Variants in DPYSL5 observed in about 807,000 individuals in gnomAD.
The protein encoded by DPYSL5 is dihydropyrimidinase like 5.
DPYSL5 carries 9 observed loss-of-function variants against 58.4 expected under a neutral mutation model. That is an observed-to-expected ratio of 0.15 (90% CI 0.09 to 0.27). The LOEUF is 0.27. Ranked by LOEUF, DPYSL5 falls within the 10% of genes least tolerant of loss-of-function variation. The probability of loss-of-function intolerance (pLI) is 1.00; values close to 1 mark genes in which losing one functional copy is unlikely to be tolerated. For synonymous variants in DPYSL5, 293 were observed against 301.9 expected (o/e 0.97, Z 0.31); for missense variants, 499 against 770.6 (o/e 0.65, Z 4.17).
At chr2:26,921,732 C>T (rs1186650172) in intron 2 of DPYSL5, among the ~76,000 whole-genome samples, 1 of 152,118 alleles carries the variant, frequency 6.6e-6, no homozygotes, top group Non-Finnish European at 1.5e-5. Context: ...TCCAGTGAAA[C>T]TCTTGTTTCG....
chr2:26,945,711 AG>A (rs1318239247), intron 12 of DPYSL5, among the ~76,000 whole-genome samples: 2 of 152,232 alleles, frequency 1.3e-5, no homozygotes, highest in Non-Finnish European at 2.9e-5. Flanking sequence ...AGAGAGACCA[AG>A]CACCCACTCA....
chr2:26,895,775 CTTTTTTTTT>C (rs869030530), intron 1 of DPYSL5, among the ~76,000 whole-genome samples: 33 of 101,104 alleles, frequency 3.3e-4, no homozygotes, highest in Non-Finnish European at 5.9e-4. Context: ...ATTTCTTTTT[CTTTTTTTTT>C]TTTTTTTTTT....
At chr2:26,850,817 G>A (rs1665732158) in intron 1 of DPYSL5, among the ~76,000 whole-genome samples, 1 of 152,326 alleles carries the variant, frequency 6.6e-6, no homozygotes, top group Admixed American at 6.5e-5. Flanking sequence ...GGAGTCAGCA[G>A]TAGGCTATGT....
At chr2:26,885,297 T>G (rs1663689345) in intron 1 of DPYSL5, among the ~76,000 whole-genome samples, 1 of 152,116 alleles carries the variant, frequency 6.6e-6, no homozygotes, top group African/African-American at 2.4e-5. Flanking sequence ...GGTATTTCCC[T>G]CCCCGTACCC....
chr2:26,941,565 C>T (rs542657687), intron 9 of DPYSL5, among the ~76,000 whole-genome samples: 1 of 152,246 alleles, frequency 6.6e-6, no homozygotes, highest in South Asian at 2.1e-4. Context: ...ATGGGTGGGG[C>T]AATAAGATGT....
Position 26,934,600 on chromosome 2 carries a change from C to T in DPYSL5, c.813C>T (p.Thr271=), listed in dbSNP as rs776595854. The change falls in exon 8 of 13, where the codon ACC becomes ACT. Residue 271 remains threonine (T), a synonymous_variant. Transcript: ENST00000288699. This position sits in a 1 kb window ranked among gnomAD's most constrained non-coding sequence, Gnocchi z 4.3. ...CAGGGAAGGTTGTGCTGGCGGAGACCACCACTGCACATGCCACGCTGACAG... is the reference window on the plus strand; with the variant it reads ...CAGGGAAGGTTGTGCTGGCGGAGACTACCACTGCACATGCCACGCTGACAG... The part of the protein sequence containing the change: ...KMQGKVVLAE[T]TTAHATLTGL... 1.2e-6 allele frequency: 2 copies of T among 1,612,998 alleles called. No homozygotes were observed. Among genetic ancestry groups the T allele is most frequent in the East Asian group, 2.2e-5 (1 of 44,878 alleles).
intron 1 of DPYSL5, among the ~76,000 whole-genome samples, chr2:26,881,074 C>T (rs1302809872): frequency 1.3e-5 from 2 of 152,152 alleles, no homozygotes; most frequent in Non-Finnish European, 2.9e-5. Context: ...GGTGTTGACA[C>T]CTACTTGACA....
chr2:26,875,246 G>T (rs965721957), intron 1 of DPYSL5, among the ~76,000 whole-genome samples: 9 of 152,212 alleles, frequency 5.9e-5, no homozygotes, highest in African/African-American at 2.2e-4. Context: ...AGACACTGGA[G>T]AACCTGCATT....
At chr2:26,851,902 G>A (rs906785433) in intron 1 of DPYSL5, among the ~76,000 whole-genome samples, 3 of 152,060 alleles carry the variant, frequency 2.0e-5, no homozygotes, top group Admixed American at 6.6e-5. Flanking sequence ...AGCTGAGATC[G>A]TGCCACTGCA....
At chr2:26,889,047 G>C (rs565053408) in intron 1 of DPYSL5, among the ~76,000 whole-genome samples, 1 of 152,006 alleles carries the variant, frequency 6.6e-6, no homozygotes, top group African/African-American at 2.4e-5. Context: ...CATTCATGAG[G>C]GTTCACAAAG....
chr2:26,871,870 A>G (rs1402685191), intron 1 of DPYSL5, among the ~76,000 whole-genome samples: 1 of 152,242 alleles, frequency 6.6e-6, no homozygotes, highest in Non-Finnish European at 1.5e-5. Context: ...AAATAGAAAC[A>G]TTTGCCATAA....
intron 1 of DPYSL5, among the ~76,000 whole-genome samples, chr2:26,879,231 G>T (rs1289815171): frequency 6.6e-6 from 1 of 152,178 alleles, no homozygotes; most frequent in African/African-American, 2.4e-5. Context: ...TCAGCAATGG[G>T]TTTGGAGAAA....
intron 2 of DPYSL5, among the ~76,000 whole-genome samples, chr2:26,907,047 G>A (rs374550407): frequency 3.9e-5 from 6 of 151,938 alleles, no homozygotes; most frequent in South Asian, 2.1e-4. Flanking sequence ...GATTACAGGC[G>A]TCAGCCATCA....
chr2:26,942,836 G>C lies in DPYSL5; in HGVS notation c.1440+86G>C. 1 of 1,461,242 alleles carries C rather than the reference G, an allele frequency of 6.8e-7. No individual in the cohort carries two copies. The highest frequency in any genetic ancestry group is 9.4e-7 in the Non-Finnish European group (1 of 1,064,210). The allele number at this position is 1,461,242 out of a possible 1,614,324, so 90.5% of individuals were successfully genotyped here. ...TGACTGTTTTAAATCTCAAAGAGAT[G>C]TTCACTCCAGTTTTCGACCCAATTC... On this transcript the variant is annotated intron_variant, in intron 11 of 12. Transcript: ENST00000288699. This position sits in a 1 kb window ranked among gnomAD's most constrained non-coding sequence, Gnocchi z 5.9.
intron 1 of DPYSL5, among the ~76,000 whole-genome samples, chr2:26,868,685 A>G (rs1445373949): frequency 5.9e-5 from 9 of 152,186 alleles, no homozygotes; most frequent in Admixed American, 5.2e-4. Flanking sequence ...TGTTGATACC[A>G]TACAGTTTTA....
chr2:26,854,928 CT>C (rs1484759043), intron 1 of DPYSL5, among the ~76,000 whole-genome samples: 1 of 152,036 alleles, frequency 6.6e-6, no homozygotes, highest in Non-Finnish European at 1.5e-5. Flanking sequence ...AGCAATTCTC[CT>C]GCCTCAGCTT....
chr2:26,913,665 G>C (rs1298915988), intron 2 of DPYSL5, among the ~76,000 whole-genome samples: 1 of 152,166 alleles, frequency 6.6e-6, no homozygotes, highest in Non-Finnish European at 1.5e-5. Flanking sequence ...CACATAGTAG[G>C]CTGTCAGTAA....
intron 2 of DPYSL5, among the ~76,000 whole-genome samples, chr2:26,918,191 G>A (rs1453912260): frequency 2.0e-5 from 3 of 149,472 alleles, no homozygotes; most frequent in Non-Finnish European, 4.4e-5. Flanking sequence ...TAAATGTAGG[G>A]CCTTGTGCAG....
chr2:26,856,214 C>T (rs1665873763), intron 1 of DPYSL5, among the ~76,000 whole-genome samples: 1 of 152,102 alleles, frequency 6.6e-6, no homozygotes, highest in Non-Finnish European at 1.5e-5. Context: ...CCTACTATGG[C>T]TCAGAAGCCT....
Sources: gnomAD v4.1 joint callset for allele counts (sites outside exome capture counted in the v4.1 genomes callset) on GRCh38, gnomAD v4.1.1 for gene constraint, Gnocchi (gnomAD v3.1) non-coding constraint, MANE v1.5 for transcripts, NCBI Gene and HGNC (gene_info 2026-07-23, HGNC 2026-07-21) for gene names.